Variants in EEIG1 observed in about 807,000 individuals in gnomAD.
EEIG1 encodes early estrogen-induced gene 1 protein.
At chr9:127,948,343 TC>T in the EEIG1 span, 1 of 1,613,850 alleles carries the variant, frequency 6.2e-7, no homozygotes, top group Non-Finnish European at 8.5e-7. Flanking sequence ...TCCCATCCGC[TC>T]CCTAGGCCTG....
At chr9:127,965,398 C>T in the EEIG1 span, among the ~76,000 whole-genome samples, 115,983 of 152,086 alleles carry the variant, frequency 0.76, 45,863 homozygotes, top group Non-Finnish European at 0.87. Flanking sequence ...AAACGAGCTC[C>T]CAGGTGATTC....
chr9:127,955,140 G>A, the EEIG1 span, among the ~76,000 whole-genome samples: 1 of 152,188 alleles, frequency 6.6e-6, no homozygotes, highest in Non-Finnish European at 1.5e-5. Context: ...AAGCACAACC[G>A]CCAAGGGGAC....
At chr9:127,975,205 G>T in the EEIG1 span, among the ~76,000 whole-genome samples, 1 of 152,218 alleles carries the variant, frequency 6.6e-6, no homozygotes, top group Non-Finnish European at 1.5e-5. Context: ...GGCCCCCAGC[G>T]CGGCACTGAC....
At chr9:127,971,341 C>A in the EEIG1 span, among the ~76,000 whole-genome samples, 1 of 152,100 alleles carries the variant, frequency 6.6e-6, no homozygotes, top group Non-Finnish European at 1.5e-5. Context: ...TGGAGTCAGG[C>A]CCCAGCCCCC....
chr9:127,943,269 C>T, the EEIG1 span: 2 of 1,610,404 alleles, frequency 1.2e-6, no homozygotes, highest in Admixed American at 1.7e-5. Context: ...GCATGTCCCC[C>T]TCGATACCCC....
At chr9:127,963,956 T>A in the EEIG1 span, among the ~76,000 whole-genome samples, 1 of 152,114 alleles carries the variant, frequency 6.6e-6, no homozygotes, top group African/African-American at 2.4e-5. Context: ...GAAGCCTCCC[T>A]GGATAGTGAC....
chr9:127,958,487 A>C, the EEIG1 span, among the ~76,000 whole-genome samples: 1 of 152,058 alleles, frequency 6.6e-6, no homozygotes, highest in Non-Finnish European at 1.5e-5. Flanking sequence ...CAACACAACA[A>C]GACCCCATCT....
the EEIG1 span, among the ~76,000 whole-genome samples, chr9:127,969,080 C>A: frequency 6.6e-6 from 1 of 152,212 alleles, no homozygotes; most frequent in Non-Finnish European, 1.5e-5. Context: ...CATAAAAAAC[C>A]CTTAGGGGCT....
At chr9:127,944,653 A>G in the EEIG1 span, 1 of 1,612,486 alleles carries the variant, frequency 6.2e-7, no homozygotes. Context: ...TGGCAGAGCC[A>G]TCGCGGCTCA....
chr9:127,951,257 A>G, the EEIG1 span, among the ~76,000 whole-genome samples: 2 of 152,324 alleles, frequency 1.3e-5, no homozygotes, highest in East Asian at 3.9e-4. Flanking sequence ...TTCCCTCTGC[A>G]AAGGGTCTAG....
chr9:127,961,359 G>C, the EEIG1 span, among the ~76,000 whole-genome samples: 1 of 152,210 alleles, frequency 6.6e-6, no homozygotes, highest in East Asian at 1.9e-4. Flanking sequence ...GGCAGGGTGG[G>C]GTAAGGGATG....
the EEIG1 span, among the ~76,000 whole-genome samples, chr9:127,969,231 A>C: frequency 3.8e-4 from 58 of 152,316 alleles, no homozygotes; most frequent in East Asian, 0.011. Context: ...CCTCTGAGAG[A>C]CGAATGTGCC....
chr9:127,949,328 A>G, the EEIG1 span, among the ~76,000 whole-genome samples: 1 of 150,996 alleles, frequency 6.6e-6, no homozygotes, highest in African/African-American at 2.4e-5. Flanking sequence ...AAAAAAAAAA[A>G]AAAAGAAAGG....
the EEIG1 span, chr9:127,948,468 C>T: frequency 6.2e-5 from 98 of 1,568,800 alleles, 1 homozygote; most frequent in East Asian, 7.2e-4. Flanking sequence ...CCTGCCCAGG[C>T]GCAGGGCCCC....
chr9:127,973,262 C>T, the EEIG1 span, among the ~76,000 whole-genome samples: 1 of 152,140 alleles, frequency 6.6e-6, no homozygotes, highest in Non-Finnish European at 1.5e-5. The surrounding 1 kb of genome is among the most constrained non-coding windows in gnomAD (Gnocchi z 4.2). Flanking sequence ...ATGCCAGCAG[C>T]CATCCCAAGG....
chr9:127,957,400 A>G, the EEIG1 span, among the ~76,000 whole-genome samples: 3 of 152,116 alleles, frequency 2.0e-5, no homozygotes, highest in Non-Finnish European at 2.9e-5. Flanking sequence ...ACATAGGAAT[A>G]AATTTAATAA....
At chr9:127,958,088 A>C in the EEIG1 span, among the ~76,000 whole-genome samples, 267 of 152,286 alleles carry the variant, frequency 1.8e-3, no homozygotes, top group Non-Finnish European at 2.5e-3. Flanking sequence ...AGTGGGAAAA[A>C]GAATAGTCTT....
chr9:127,958,672 A>C, the EEIG1 span, among the ~76,000 whole-genome samples: 4 of 152,164 alleles, frequency 2.6e-5, no homozygotes, highest in Non-Finnish European at 5.9e-5. Flanking sequence ...CTTAAAAAAA[A>C]AAGAAAAAAC....
At chr9:127,976,660 T>C in the EEIG1 span, among the ~76,000 whole-genome samples, 3 of 152,244 alleles carry the variant, frequency 2.0e-5, no homozygotes, top group Non-Finnish European at 1.5e-5. The surrounding 1 kb of genome is among the most constrained non-coding windows in gnomAD (Gnocchi z 4.1). Context: ...AACAGCCTGA[T>C]GCACCACCTG....
Sources: allele counts gnomAD v4.1 joint callset (sites outside exome capture counted in the v4.1 genomes callset), GRCh38; gene constraint gnomAD v4.1.1; non-coding constraint Gnocchi (gnomAD v3.1); transcripts MANE v1.5; gene names NCBI Gene and HGNC (gene_info 2026-07-23, HGNC 2026-07-21).